CACNB4: variants seen among roughly 807,000 people sequenced by gnomAD.
The protein encoded by CACNB4 is voltage-dependent L-type calcium channel subunit beta-4.
A neutral mutation model predicts 71.2 loss-of-function variants in CACNB4; 32 were observed. The observed-to-expected ratio is 0.45, with a 90% CI of 0.34 to 0.60. The LOEUF (loss-of-function observed/expected upper bound fraction) is 0.60, where lower values mean the gene tolerates loss of function less well. Among genes scored for constraint, CACNB4 ranks in the 20% least tolerant of loss-of-function variants. CACNB4 has a pLI of 0.01. For missense variants in CACNB4, 464 were observed against 647.9 expected (o/e 0.72, Z 3.08); for synonymous variants, 231 against 236.9 (o/e 0.97, Z 0.23).
At chr2:151,958,362 C>G (rs2099868845) in intron 2 of CACNB4, among the ~76,000 whole-genome samples, 1 of 152,112 alleles carries the variant, frequency 6.6e-6, no homozygotes, top group Non-Finnish European at 1.5e-5. Context: ...ACCGGGAGTC[C>G]CAGCTGTCTA....
chr2:152,020,984 G>A (rs575344124), intron 2 of CACNB4, among the ~76,000 whole-genome samples: 39 of 152,328 alleles, frequency 2.6e-4, no homozygotes, highest in African/African-American at 9.1e-4. Flanking sequence ...TGGGTGCGGT[G>A]GTTCACACCT....
chr2:151,847,099 CAAAAAAAAAAA>C (rs397766580), intron 12 of CACNB4, among the ~76,000 whole-genome samples: 9 of 79,778 alleles, frequency 1.1e-4, no homozygotes, highest in Admixed American at 3.0e-4. Context: ...AAACTGACAC[CAAAAAAAAAAA>C]AAAAAAAAAA....
rs1040017177 is a variant in CACNB4 at position 152,025,963 on chromosome 2, C to T, written c.147+72367G>A. 1.1e-4 allele frequency among the ~76,000 whole-genome samples: 16 copies of T among 152,332 alleles called. No individual in the cohort carries two copies. The East Asian group carries it at 2.9e-3, about 28-fold the overall frequency. ...GCGGGAGGGTTGCTCCATCTATCTC[C>T]GTGTTTAGTAAAGAGGATGTGAGAA... On this transcript the variant is annotated intron_variant, in intron 2 of 13. Coordinates refer to ENST00000539935, the MANE Select transcript of CACNB4 (RefSeq NM_000726.5).
intron 2 of CACNB4, among the ~76,000 whole-genome samples, chr2:152,029,909 A>C (rs954732705): frequency 1.3e-5 from 2 of 152,220 alleles, no homozygotes; most frequent in African/African-American, 2.4e-5. Context: ...TAGAACTGTG[A>C]GAAATAAATT....
intron 2 of CACNB4, among the ~76,000 whole-genome samples, chr2:152,027,931 C>G (rs1242173300): frequency 6.6e-6 from 1 of 150,918 alleles, no homozygotes; most frequent in Non-Finnish European, 1.5e-5. Context: ...TGCCTGAGAG[C>G]CTGCCCAGCT....
chr2:151,994,273 A>C (rs1681909909), intron 2 of CACNB4, among the ~76,000 whole-genome samples: 1 of 151,942 alleles, frequency 6.6e-6, no homozygotes. Flanking sequence ...TCTGTCGCCC[A>C]GGCTGGAGTG....
chr2:152,089,432 G>A (rs572157436), intron 2 of CACNB4, among the ~76,000 whole-genome samples: 4 of 152,236 alleles, frequency 2.6e-5, no homozygotes, highest in South Asian at 2.1e-4. Flanking sequence ...GCAACACACC[G>A]GATTCAGTGG....
At chr2:151,954,476 T>C (rs145414484) in intron 2 of CACNB4, among the ~76,000 whole-genome samples, 2 of 152,364 alleles carry the variant, frequency 1.3e-5, no homozygotes, top group African/African-American at 4.8e-5. Flanking sequence ...ATCTTTGTTC[T>C]GTTTCAAATT....
chr2:151,898,686 T>C (rs535277883), intron 2 of CACNB4, among the ~76,000 whole-genome samples: 1 of 152,350 alleles, frequency 6.6e-6, no homozygotes, highest in East Asian at 1.9e-4. Context: ...TAATTCCTAT[T>C]TTAAAGCTAA....
At chr2:151,989,842 A>C (rs1260457099) in intron 2 of CACNB4, among the ~76,000 whole-genome samples, 1 of 152,184 alleles carries the variant, frequency 6.6e-6, no homozygotes. Context: ...AAACAGAGTG[A>C]CTACCCACCC....
At chr2:151,897,784 CT>C (rs1256758054) in intron 2 of CACNB4, among the ~76,000 whole-genome samples, 3 of 152,162 alleles carry the variant, frequency 2.0e-5, no homozygotes, top group Non-Finnish European at 2.9e-5. Flanking sequence ...GCTCAGTTTC[CT>C]TTCTGAAAGT....
At chr2:152,014,875 T>C (rs1209147836) in intron 2 of CACNB4, among the ~76,000 whole-genome samples, 1 of 152,198 alleles carries the variant, frequency 6.6e-6, no homozygotes, top group African/African-American at 2.4e-5. Flanking sequence ...GTTCCACTAT[T>C]AGAAATTTAA....
Position 152,093,391 on chromosome 2 carries a change from C to T in CACNB4, c.147+4939G>A, listed in dbSNP as rs184312787. Among the ~76,000 whole-genome samples the T allele has an allele frequency of 2.7e-3, 364 of 134,028 alleles. 5 individuals are homozygous for T. Among genetic ancestry groups the T allele is most frequent in the Non-Finnish European group, 2.3e-3 (150 of 63,990 alleles). 87.9% of individuals were successfully genotyped at this position (134,028 alleles called of 152,430 possible). A position where few individuals can be genotyped will look rare whatever the true frequency, so the allele number is the denominator to read the frequency against. On this transcript the variant is annotated intron_variant, in intron 2 of 13. Coordinates refer to ENST00000539935, the MANE Select transcript of CACNB4 (RefSeq NM_000726.5). ...TACTATTGGCACTGAATTTGACTTG[C>T]TGTTTTTTGGTGTGTGTGTGTGTGT...
At chr2:152,055,282 G>A (rs1685667136) in intron 2 of CACNB4, among the ~76,000 whole-genome samples, 1 of 152,190 alleles carries the variant, frequency 6.6e-6, no homozygotes, top group South Asian at 2.1e-4. Context: ...AAAATGCTGG[G>A]ATTACAGGTG....
intron 2 of CACNB4, among the ~76,000 whole-genome samples, chr2:152,068,820 G>A (rs568033161): frequency 2.0e-5 from 3 of 152,258 alleles, no homozygotes; most frequent in South Asian, 4.1e-4. Context: ...CTTTCACAGA[G>A]GCTATAAAAA....
intron 10 of CACNB4, 47 bp downstream of exon 10, chr2:151,860,664 C>T (rs755269158): frequency 1.0e-5 from 13 of 1,270,856 alleles, no homozygotes; most frequent in East Asian, 2.3e-5. Context: ...TGTGTCAGCC[C>T]GGTCTGTAAG....
At chr2:151,868,755 A>G (rs1438858519) in intron 9 of CACNB4, 2 of 133,086 alleles carry the variant, frequency 1.5e-5, no homozygotes, top group African/African-American at 5.7e-5. Flanking sequence ...AGTACTTGAC[A>G]TTTATGCTTT....
At position 152,098,258 on chromosome 2, in the gene CACNB4, G is replaced by C; in HGVS notation, c.147+72C>G. On this transcript the variant is annotated intron_variant, in intron 2 of 13. Transcript: ENST00000539935. The surrounding 1 kb of genome is among the most constrained non-coding windows in gnomAD (Gnocchi z 5.3). ...CGCAGCTCCCGCACGTGTGGGCCAC[G>C]GCCGGCTCCAGGACCCCCGCGCCGC... is the stretch of plus-strand genomic sequence containing the variant. The C allele has an allele frequency of 1.6e-6, 2 of 1,248,482 alleles. No homozygotes were observed. The highest frequency in any genetic ancestry group is 2.3e-6 in the Non-Finnish European group (2 of 851,874). The allele number at this position is 1,248,482 out of a possible 1,614,324, so 77.3% of individuals were successfully genotyped here.
At chr2:151,919,571 C>G (rs765470479) in intron 2 of CACNB4, among the ~76,000 whole-genome samples, 9 of 152,158 alleles carry the variant, frequency 5.9e-5, no homozygotes, top group Non-Finnish European at 1.3e-4. Flanking sequence ...GGCACTCCCC[C>G]TCAGGGTCCT....
Sources: allele counts gnomAD v4.1 joint callset (sites outside exome capture counted in the v4.1 genomes callset), GRCh38; gene constraint gnomAD v4.1.1; non-coding constraint Gnocchi (gnomAD v3.1); transcripts MANE v1.5; gene names NCBI Gene and HGNC (gene_info 2026-07-23, HGNC 2026-07-21).